GLTP: variants seen among roughly 807,000 people sequenced by gnomAD.
GLTP encodes the protein glycolipid transfer protein.
Under a neutral mutation model 24.0 loss-of-function variants are expected in GLTP, and 22 were observed. That is an observed-to-expected ratio of 0.92 (90% CI 0.65 to 1.31). The LOEUF (loss-of-function observed/expected upper bound fraction) is 1.31. Ranked by LOEUF, GLTP falls within the 50% of genes most tolerant of loss-of-function variation. The pLI, the probability that GLTP is intolerant of heterozygous loss-of-function variation, is 0.00. For synonymous variants in GLTP, 92 were observed against 115.9 expected, an observed-to-expected ratio of 0.79 and a Z score of 1.33; for missense variants, 224 against 276.6, an observed-to-expected ratio of 0.81 and a Z score of 1.35.
chr12:109,859,953 T>C (rs1892850632), intron 1 of GLTP: 1 of 152,006 alleles, frequency 6.6e-6, no homozygotes, highest in Admixed American at 6.6e-5. Context: ...CTTTATCTAC[T>C]CTGTTGACTT....
intron 1 of GLTP, among the ~76,000 whole-genome samples, chr12:109,863,831 C>T (rs1418100363): frequency 6.6e-6 from 1 of 152,210 alleles, no homozygotes; most frequent in Non-Finnish European, 1.5e-5. Context: ...GAAGAGATGA[C>T]GGCAGGGCCT....
At chr12:109,852,847 G>T (rs1172965647) in intron 4 of GLTP, 110 bp from the exon 5 acceptor site, 6 of 669,004 alleles carry the variant, frequency 9.0e-6, no homozygotes, top group African/African-American at 5.4e-5. Context: ...GCTGGACAGG[G>T]GGTTGTGCTA....
intron 1 of GLTP, among the ~76,000 whole-genome samples, chr12:109,869,697 C>A (rs1868659604): frequency 8.6e-5 from 13 of 151,472 alleles, no homozygotes; most frequent in Admixed American, 8.6e-4. Flanking sequence ...TCTTGATCTC[C>A]TGACCTTGTG....
chr12:109,865,482 G>T (rs565834015), intron 1 of GLTP, among the ~76,000 whole-genome samples: 18 of 152,186 alleles, frequency 1.2e-4, no homozygotes, highest in African/African-American at 4.1e-4. Flanking sequence ...ACAAAAATTA[G>T]CTGGGCATAA....
At chr12:109,862,217 C>G (rs909797997) in intron 1 of GLTP, among the ~76,000 whole-genome samples, 2 of 152,134 alleles carry the variant, frequency 1.3e-5, no homozygotes, top group African/African-American at 4.8e-5. Flanking sequence ...CCCAGACAGG[C>G]CTGCCAAGCA....
intron 2 of GLTP, 24 bp downstream of exon 2, chr12:109,858,659 G>C: frequency 6.3e-7 from 1 of 1,594,796 alleles, no homozygotes; most frequent in South Asian, 1.1e-5. Flanking sequence ...GTCTTGGGCT[G>C]TGGCTGCCCG....
At chr12:109,874,026 C>T (rs946821677) in intron 1 of GLTP, among the ~76,000 whole-genome samples, 1 of 152,224 alleles carries the variant, frequency 6.6e-6, no homozygotes, top group Admixed American at 6.5e-5. Flanking sequence ...GGACAAGTCA[C>T]CATGGTGCCA....
At chr12:109,862,268 T>C (rs1011182361) in intron 1 of GLTP, among the ~76,000 whole-genome samples, 2 of 152,182 alleles carry the variant, frequency 1.3e-5, no homozygotes, top group Non-Finnish European at 2.9e-5. Flanking sequence ...TAACCTCACC[T>C]GATGGATCAC....
chr12:109,861,554 C>G (rs1329937726), intron 1 of GLTP, among the ~76,000 whole-genome samples: 2 of 152,186 alleles, frequency 1.3e-5, no homozygotes, highest in Non-Finnish European at 2.9e-5. Flanking sequence ...TTGAGACCAG[C>G]CTGGCCAACA....
intron 1 of GLTP, among the ~76,000 whole-genome samples, chr12:109,877,522 G>A (rs1477874866): frequency 2.6e-5 from 4 of 152,122 alleles, no homozygotes; most frequent in Admixed American, 6.5e-5. Context: ...TGCTACTGGC[G>A]TCTGGTAGGT....
At position 109,880,518 on chromosome 12, in the gene GLTP, CG is replaced by C. The variant is rs1869050559; in HGVS notation, c.-145del. 2 of 183,508 alleles carry C rather than the reference CG, an allele frequency of 1.1e-5. No individual in the cohort carries two copies. The highest frequency in any genetic ancestry group is 3.5e-4 in the South Asian group (2 of 5,688). 11.4% of individuals were successfully genotyped at this position (183,508 alleles called of 1,614,324 possible). The stretch of plus-strand genomic sequence containing the variant: ...GCCAGCGTCGCCACTTCCGCCCGCA[CG>C]GCGCCCTCGTAGCCGAGCGCTCAGC... On this transcript the variant is annotated 5_prime_UTR_variant, in exon 1 of 5. Coordinates refer to ENST00000318348, the MANE Select transcript of GLTP (RefSeq NM_016433.4). The surrounding 1 kb of genome is among the most constrained non-coding windows in gnomAD (Gnocchi z 5.1).
intron 4 of GLTP, among the ~76,000 whole-genome samples, chr12:109,853,128 C>G (rs1459970240): frequency 6.6e-6 from 1 of 152,150 alleles, no homozygotes; most frequent in Non-Finnish European, 1.5e-5. Flanking sequence ...ACAGTAGGCA[C>G]TCAGCACAAC....
chr12:109,871,511 C>T (rs1468566769), intron 1 of GLTP, among the ~76,000 whole-genome samples: 1 of 152,166 alleles, frequency 6.6e-6, no homozygotes, highest in Non-Finnish European at 1.5e-5. Flanking sequence ...CCAACGTCTT[C>T]CTGTTTCCTG....
rs185369494 is a variant in GLTP at position 109,857,247 on chromosome 12, C to T, written c.296+279G>A. Among the ~76,000 whole-genome samples the T allele has an allele frequency of 3.3e-5, 5 of 152,288 alleles. No homozygotes were observed. The East Asian group carries it at 5.8e-4, about 18-fold the overall frequency. On this transcript the variant is annotated intron_variant, in intron 3 of 4. Transcript: ENST00000318348. The surrounding 1 kb of genome is among the most constrained non-coding windows in gnomAD (Gnocchi z 4.3). ...CTGTGAGATGCGAATAGCTACCACA[C>T]TTAACTCACAGAATATGAAACCCAA...
At chr12:109,865,282 G>C (rs1403567975) in intron 1 of GLTP, among the ~76,000 whole-genome samples, 8 of 152,280 alleles carry the variant, frequency 5.3e-5, no homozygotes, top group African/African-American at 1.9e-4. Flanking sequence ...GAGAAAGGAA[G>C]CTGTCTTTTA....
intron 1 of GLTP, chr12:109,866,471 G>A (rs1054270457): frequency 6.6e-6 from 1 of 151,328 alleles, no homozygotes; most frequent in African/African-American, 2.5e-5. Context: ...TCAGCTTCCT[G>A]AGTACCTGGG....
At chr12:109,874,232 T>C (rs1203434637) in intron 1 of GLTP, among the ~76,000 whole-genome samples, 1 of 152,198 alleles carries the variant, frequency 6.6e-6, no homozygotes, top group Non-Finnish European at 1.5e-5. Flanking sequence ...GGTCACTCAC[T>C]GGCTGTGTGA....
At chr12:109,861,466 G>A (rs1197202266) in intron 1 of GLTP, among the ~76,000 whole-genome samples, 4 of 152,088 alleles carry the variant, frequency 2.6e-5, no homozygotes, top group South Asian at 4.1e-4. Flanking sequence ...ATAAGGCACC[G>A]AGGCCAGGCG....
At chr12:109,867,909 C>G (rs1188579366) in intron 1 of GLTP, among the ~76,000 whole-genome samples, 2 of 151,918 alleles carry the variant, frequency 1.3e-5, no homozygotes, top group African/African-American at 4.8e-5. Context: ...TCCTGAGTAG[C>G]TGGGACTACA....
Sources: gnomAD v4.1 joint callset for allele counts (sites outside exome capture counted in the v4.1 genomes callset) on GRCh38, gnomAD v4.1.1 for gene constraint, Gnocchi (gnomAD v3.1) non-coding constraint, MANE v1.5 for transcripts, NCBI Gene and HGNC (gene_info 2026-07-23, HGNC 2026-07-21) for gene names.